The following MYO3B variants were observed in gnomAD, a reference collection of about 807,000 sequenced individuals.
MYO3B encodes the protein myosin-IIIb.
A neutral mutation model predicts 174.6 loss-of-function variants in MYO3B; 156 were observed. The ratio of observed to expected loss-of-function variants is 0.89; its 90% CI spans 0.78 to 1.02. MYO3B has a LOEUF of 1.02. MYO3B is among the 50% of genes least tolerant of loss of function. The probability of loss-of-function intolerance (pLI) is 0.00; values close to 1 mark genes in which losing one functional copy is unlikely to be tolerated. For synonymous variants in MYO3B, 563 were observed against 569.1 expected (o/e 0.99, Z 0.15); for missense variants, 1,632 against 1,639.4 (o/e 1.00, Z 0.08).
At chr2:170,516,303 G>T (rs1688303338) in intron 29 of MYO3B, among the ~76,000 whole-genome samples, 2 of 147,628 alleles carry the variant, frequency 1.4e-5, no homozygotes, top group South Asian at 2.2e-4. Flanking sequence ...GTTTTTTGTT[G>T]TTTTTTTTTT....
At chr2:170,366,920 T>C (rs1257109322) in intron 8 of MYO3B, among the ~76,000 whole-genome samples, 1 of 152,128 alleles carries the variant, frequency 6.6e-6, no homozygotes, top group African/African-American at 2.4e-5. Context: ...TCCTAGTCTT[T>C]CTCAATCCCT....
intron 7 of MYO3B, among the ~76,000 whole-genome samples, chr2:170,281,887 A>G (rs2093514022): frequency 6.6e-6 from 1 of 152,206 alleles, no homozygotes; most frequent in South Asian, 2.1e-4. Context: ...CGGGAATGTT[A>G]CCACTGACCC....
chr2:170,308,449 G>A (rs1252361534), intron 7 of MYO3B, among the ~76,000 whole-genome samples: 1 of 152,146 alleles, frequency 6.6e-6, no homozygotes, highest in Non-Finnish European at 1.5e-5. Flanking sequence ...CAATATCCCT[G>A]CCCAGGATTT....
chr2:170,414,478 C>T (rs1390297010), intron 22 of MYO3B, among the ~76,000 whole-genome samples: 3 of 152,212 alleles, frequency 2.0e-5, no homozygotes, highest in African/African-American at 7.2e-5. Context: ...TGAGCCACAA[C>T]GCCTGGCTGT....
intron 7 of MYO3B, among the ~76,000 whole-genome samples, chr2:170,315,317 CTT>C (rs11322354): frequency 2.3e-3 from 332 of 143,586 alleles, no homozygotes; most frequent in Middle Eastern, 3.5e-3. Flanking sequence ...ACTTATAATT[CTT>C]TTTTTTTTTT....
intron 32 of MYO3B, chr2:170,602,250 G>A (rs957669143): frequency 3.6e-5 from 31 of 857,210 alleles, no homozygotes; most frequent in African/African-American, 1.3e-4. Context: ...TTTCCTCAGC[G>A]AGGCACACAG....
chr2:170,599,153 C>T (rs1326628990), intron 32 of MYO3B, among the ~76,000 whole-genome samples: 2 of 152,196 alleles, frequency 1.3e-5, no homozygotes, highest in African/African-American at 4.8e-5. Flanking sequence ...AAGACATTCT[C>T]CCTCACTCCT....
chr2:170,449,175 T>A (rs573684155), intron 23 of MYO3B, among the ~76,000 whole-genome samples: 1 of 152,354 alleles, frequency 6.6e-6, no homozygotes, highest in African/African-American at 2.4e-5. Context: ...GTACACGGAC[T>A]GTGTAGACAA....
chr2:170,246,258 G>T (rs989900207), intron 7 of MYO3B, among the ~76,000 whole-genome samples: 1 of 152,126 alleles, frequency 6.6e-6, no homozygotes. Flanking sequence ...AGAAATGAGA[G>T]ATGATATCAA....
chr2:170,325,511 G>A (rs1009586391), intron 7 of MYO3B, among the ~76,000 whole-genome samples: 1 of 152,108 alleles, frequency 6.6e-6, no homozygotes, highest in African/African-American at 2.4e-5. Flanking sequence ...CCTGGCCTAA[G>A]TTAAACATTC....
At chr2:170,243,093 A>G (rs1459630349) in intron 7 of MYO3B, among the ~76,000 whole-genome samples, 1 of 152,218 alleles carries the variant, frequency 6.6e-6, no homozygotes, top group East Asian at 1.9e-4. Context: ...AGGAAAATAT[A>G]GTATAGTGGT....
chr2:170,542,504 T>C (rs1227772800), intron 30 of MYO3B, among the ~76,000 whole-genome samples: 1 of 152,242 alleles, frequency 6.6e-6, no homozygotes, highest in African/African-American at 2.4e-5. Context: ...CCAAACTTAC[T>C]TGATTACGGA....
At chr2:170,378,765 C>T (rs1352211566) in intron 9 of MYO3B, among the ~76,000 whole-genome samples, 4 of 152,200 alleles carry the variant, frequency 2.6e-5, no homozygotes, top group Non-Finnish European at 5.9e-5. Context: ...TTGGTCCATG[C>T]TTCCATTTTT....
intron 7 of MYO3B, among the ~76,000 whole-genome samples, chr2:170,263,717 T>C (rs2093361925): frequency 6.6e-6 from 1 of 152,102 alleles, no homozygotes; most frequent in South Asian, 2.1e-4. Flanking sequence ...CAATCGGGTT[T>C]TACACCGAGA....
At chr2:170,482,187 A>G (rs936467958) in intron 25 of MYO3B, among the ~76,000 whole-genome samples, 5 of 148,520 alleles carry the variant, frequency 3.4e-5, no homozygotes, top group Admixed American at 1.4e-4. Context: ...ACAGGGTCTC[A>G]CTCTGTCACC....
intron 25 of MYO3B, among the ~76,000 whole-genome samples, chr2:170,467,418 T>A (rs911980169): frequency 6.6e-6 from 1 of 152,122 alleles, no homozygotes; most frequent in African/African-American, 2.4e-5. Flanking sequence ...ACCCAGAAAG[T>A]GCCTTTGCCT....
intron 32 of MYO3B, among the ~76,000 whole-genome samples, chr2:170,629,071 G>A (rs1186500633): frequency 6.6e-6 from 1 of 152,178 alleles, no homozygotes; most frequent in African/African-American, 2.4e-5. Context: ...TTCTGTCTCT[G>A]GGACTTGCTT....
At chr2:170,565,663 G>A (rs1396070907) in intron 32 of MYO3B, among the ~76,000 whole-genome samples, 1 of 152,198 alleles carries the variant, frequency 6.6e-6, no homozygotes, top group Non-Finnish European at 1.5e-5. Context: ...GGACTATAAG[G>A]AATGACATTT....
intron 22 of MYO3B, chr2:170,411,619 G>C (rs915070782): frequency 6.6e-6 from 1 of 152,222 alleles, no homozygotes; most frequent in Admixed American, 6.5e-5. Flanking sequence ...TCAAGGTTGA[G>C]AGGATCAACC....
Sources: allele counts gnomAD v4.1 joint callset (sites outside exome capture counted in the v4.1 genomes callset), GRCh38; gene constraint gnomAD v4.1.1; transcripts MANE v1.5; gene names NCBI Gene and HGNC (gene_info 2026-07-23, HGNC 2026-07-21).